The following FAM241B variants were observed in gnomAD, a reference collection of about 807,000 sequenced individuals.
FAM241B encodes family with sequence similarity 241 member B.
Under a neutral mutation model 9.3 loss-of-function variants are expected in FAM241B, and 7 were observed. That is an observed-to-expected ratio of 0.75 (90% confidence interval 0.43 to 1.41). FAM241B has a LOEUF of 1.41. Ranked by LOEUF, FAM241B falls within the 40% of genes most tolerant of loss-of-function variation. FAM241B has a pLI of 0.01. For missense variants in FAM241B, 136 were observed against 159.6 expected (o/e 0.85, Z 0.80); for synonymous variants, 60 against 64.1 (o/e 0.94, Z 0.31).
chr10:69,631,789 C>T lies in FAM241B; in HGVS notation c.46C>T (p.Pro16Ser), dbSNP rs749322086. The T allele has an allele frequency of 6.2e-7, 1 of 1,613,284 alleles. No individual in the cohort carries two copies. The highest frequency in any genetic ancestry group is 8.5e-7 in the Non-Finnish European group (1 of 1,179,854). Residue 16 changes from proline to serine, a missense_variant, in exon 3 of 4, where the codon CCC becomes TCC. By Grantham distance (74) the Pro-to-Ser change is moderately conservative (BLOSUM62 -1). Transcript: ENST00000373279. ...TGGGGAAATCGTGCAGGATGACGAC[C>T]CCCGAGTGAGGACCACTACCCAGCC... Reference protein sequence around the residue: ...ANGEIVQDDDPRVRTTTQPPR... With the variant: ...ANGEIVQDDDSRVRTTTQPPR...
At chr10:69,631,860 G>A (rs983233154) in intron 3 of FAM241B, 21 bp downstream of exon 3, 7 of 1,595,794 alleles carry the variant, frequency 4.4e-6, no homozygotes, top group South Asian at 1.1e-5. Context: ...ATTTCCTGTG[G>A]AGTGGGACAG....
Position 69,631,805 on chromosome 10 carries a change from C to T in FAM241B, c.62C>T (p.Thr21Ile), listed in dbSNP as rs1206254384. Residue 21 changes from threonine (T) to isoleucine (I), a missense_variant, in exon 3 of 4, where the codon ACT becomes ATT. Transcript: ENST00000373279. ...VQDDDPRVRT[T>I]TQPPRGSIPR... ...GATGACGACCCCCGAGTGAGGACCACTACCCAGCCACCAAGAGGTAGCATT... is the reference window on the plus strand; with the variant it reads ...GATGACGACCCCCGAGTGAGGACCATTACCCAGCCACCAAGAGGTAGCATT... The T allele has an allele frequency of 6.2e-7, 1 of 1,612,970 alleles. No individual in the cohort carries two copies. Among genetic ancestry groups the T allele is most frequent in the Non-Finnish European group, 8.5e-7 (1 of 1,179,772 alleles).
intron 1 of FAM241B, chr10:69,630,634 T>A (rs879816390): frequency 2.3e-4 from 295 of 1,299,892 alleles, no homozygotes; most frequent in Non-Finnish European, 2.8e-4. Flanking sequence ...TTTTTCGGCA[T>A]ACATGTCACC....
At chr10:69,630,699 C>G (rs2306141) in intron 1 of FAM241B, 120,012 of 1,285,154 alleles carry the variant, frequency 0.093, 9,290 homozygotes, top group East Asian at 0.48. Context: ...GAATGAATGG[C>G]CTTTACCCAG....
intron 3 of FAM241B, 135 bp downstream of exon 3, chr10:69,631,974 G>A (rs1049194693): frequency 3.6e-5 from 14 of 383,620 alleles, no homozygotes; most frequent in Non-Finnish European, 5.2e-5. Flanking sequence ...TGGGGAAGAT[G>A]CAGTGGCTTA....
intron 1 of FAM241B, 147 bp from the exon 2 acceptor site, chr10:69,631,333 C>T (rs1839815635): frequency 1.8e-6 from 1 of 557,346 alleles, no homozygotes; most frequent in Non-Finnish European, 2.9e-6. Flanking sequence ...GGCTCTAGTC[C>T]CAGTTGTGCT....
At chr10:69,631,450 G>T in intron 1 of FAM241B, 30 bp from the exon 2 acceptor site, 1 of 1,458,026 alleles carries the variant, frequency 6.9e-7, no homozygotes, top group Non-Finnish European at 9.2e-7. Context: ...CAAACAACTT[G>T]CCTTTATTTC....
At chr10:69,630,620 G>C (rs1839800759) in intron 1 of FAM241B, 1 of 1,297,464 alleles carries the variant, frequency 7.7e-7, no homozygotes, top group Non-Finnish European at 1.0e-6. Flanking sequence ...CAGGGCTCCT[G>C]ACCTTTTTCG....
intron 2 of FAM241B, 47 bp from the exon 3 acceptor site, chr10:69,631,662 T>G: frequency 6.4e-7 from 1 of 1,567,636 alleles, no homozygotes; most frequent in Non-Finnish European, 8.7e-7. Context: ...AGAACTTCTG[T>G]GCCACTTGGC....
At chr10:69,631,963 C>CTGGATAAGACT in intron 3 of FAM241B, 124 bp downstream of exon 3, 1 of 1,352,460 alleles carries the variant, frequency 7.4e-7, no homozygotes, top group Non-Finnish European at 1.0e-6. Context: ...TTGCAGAGAG[C>CTGGATAAGACT]TGGGGAAGAT....
At chr10:69,630,785 A>AC in intron 1 of FAM241B, 1 of 725,366 alleles carries the variant, frequency 1.4e-6, no homozygotes, top group Non-Finnish European at 1.9e-6. Flanking sequence ...CACCGCAGCA[A>AC]CCCCCTCCCA....
At chr10:69,632,749 A>C (rs1423926418) in intron 3 of FAM241B, 41 bp from the exon 4 acceptor site, 3 of 1,596,728 alleles carry the variant, frequency 1.9e-6, no homozygotes, top group Non-Finnish European at 2.6e-6. Context: ...TGGTGCGTCA[A>C]CCCAATGATT....
Position 69,633,224 on chromosome 10 carries a change from C to A in FAM241B, c.*165C>A. 1 of 1,052,208 alleles carries A rather than the reference C, an allele frequency of 9.5e-7. No homozygotes were observed. Among genetic ancestry groups the A allele is most frequent in the Non-Finnish European group, 1.4e-6 (1 of 729,872 alleles). 65.2% of individuals were successfully genotyped at this position (1,052,208 alleles called of 1,614,324 possible). ...GTGTTAAGCGTGAGGCAGAGGGAGA[C>A]GTTAGTCCAGCATTTCCAAAGTGTG... On this transcript the variant is annotated 3_prime_UTR_variant, in exon 4 of 4. Coordinates refer to ENST00000373279, the MANE Select transcript of FAM241B (RefSeq NM_145306.3).
rs1356125812 is a variant in FAM241B, at chr10:69,631,709, G to T, written c.-35G>T. 6.2e-7 allele frequency: 1 copy of T among 1,604,406 alleles called. No individual in the cohort carries two copies. Among genetic ancestry groups the T allele is most frequent in the African/African-American group, 1.3e-5 (1 of 74,880 alleles). The stretch of plus-strand genomic sequence containing the variant: ...TGCCCACCCTGACCACACAATGCAG[G>T]TGCAGCCCATCAGGGACCCACAGCG... On this transcript the variant is annotated splice_region_variant and 5_prime_UTR_variant, in exon 3 of 4. Transcript: ENST00000373279.
At chr10:69,631,897 T>C in intron 3 of FAM241B, 58 bp downstream of exon 3, 1 of 1,560,778 alleles carries the variant, frequency 6.4e-7, no homozygotes, top group Middle Eastern at 1.7e-4. Context: ...TGGCTACTCC[T>C]AGCTTCCAGA....
chr10:69,632,072 C>A (rs1256948572), intron 3 of FAM241B, among the ~76,000 whole-genome samples: 1 of 152,170 alleles, frequency 6.6e-6, no homozygotes, highest in Non-Finnish European at 1.5e-5. Flanking sequence ...GGTTAGCAAA[C>A]CTCACTGGAG....
rs1221201626 is a variant in FAM241B at position 69,630,293 on chromosome 10, G to C, written c.-124G>C. On this transcript the variant is annotated 5_prime_UTR_variant, in exon 1 of 4. Transcript: ENST00000373279. Reference sequence around the variant, plus strand: ...AGCCGCCGGGAGTGGACGCCGCCGAGGCCCGGAGTCGCGCCTGCAGGTGAG... The same window carrying C: ...AGCCGCCGGGAGTGGACGCCGCCGACGCCCGGAGTCGCGCCTGCAGGTGAG... The C allele has an allele frequency of 6.5e-6, 1 of 152,694 alleles. No individual in the cohort carries two copies. Among genetic ancestry groups the C allele is most frequent in the African/African-American group, 2.4e-5 (1 of 41,450 alleles). 9.5% of individuals were successfully genotyped at this position (152,694 alleles called of 1,614,324 possible). A position where few individuals can be genotyped will look rare whatever the true frequency, so the allele number is the denominator to read the frequency against.
chr10:69,631,966 G>GGTAAGACTTGA, intron 3 of FAM241B, 127 bp downstream of exon 3: 1 of 1,274,152 alleles, frequency 7.8e-7, no homozygotes, highest in Non-Finnish European at 1.1e-6. Flanking sequence ...CAGAGAGCTG[G>GGTAAGACTTGA]GGAAGATGCA....
intron 2 of FAM241B, 76 bp from the exon 3 acceptor site, chr10:69,631,633 T>A: frequency 6.4e-7 from 1 of 1,553,402 alleles, no homozygotes; most frequent in Non-Finnish European, 8.7e-7. Flanking sequence ...CACTAACAGC[T>A]AAAGGTTTTG....
Sources: allele counts gnomAD v4.1 joint callset (sites outside exome capture counted in the v4.1 genomes callset), GRCh38; gene constraint gnomAD v4.1.1; transcripts MANE v1.5; gene names NCBI Gene and HGNC (gene_info 2026-07-23, HGNC 2026-07-21).